Variants in ST13 observed in about 807,000 individuals in gnomAD.
The protein encoded by ST13 is hsc70-interacting protein.
A neutral mutation model predicts 56.7 loss-of-function variants in ST13; 23 were observed. The ratio of observed to expected loss-of-function variants is 0.41; its 90% CI spans 0.29 to 0.57. The LOEUF (loss-of-function observed/expected upper bound fraction) is 0.57, where lower values mean the gene tolerates loss of function less well. ST13 is among the 20% of genes least tolerant of loss of function. The pLI, the probability that ST13 is intolerant of heterozygous loss-of-function variation, is 0.36. For synonymous variants in ST13, 132 were observed against 142.4 expected (o/e 0.93, Z 0.52); for missense variants, 369 against 459.9 (o/e 0.80, Z 1.81).
In ST13 at chr22:40,826,390, T is replaced by C. The variant is rs1318783505; in HGVS notation, c.*148A>G. ...CCACTGTAAAATGCTTCAGCTGCATTTGGGGGAGAGGGGTAGGGATTATCT... is the reference window on the plus strand; with the variant it reads ...CCACTGTAAAATGCTTCAGCTGCATCTGGGGGAGAGGGGTAGGGATTATCT... On this transcript the variant is annotated 3_prime_UTR_variant, in exon 12 of 12. Coordinates refer to ENST00000216218, the MANE Select transcript of ST13 (RefSeq NM_003932.5). The C allele has an allele frequency of 1.6e-6, 1 of 607,076 alleles. No homozygotes were observed. Among genetic ancestry groups the C allele is most frequent in the Non-Finnish European group, 2.7e-6 (1 of 366,568 alleles). 37.6% of individuals were successfully genotyped at this position (607,076 alleles called of 1,614,324 possible).
chr22:40,836,158 A>C lies in ST13; in HGVS notation c.383-271T>G, dbSNP rs556475145. Among the ~76,000 whole-genome samples, 5 of 152,196 alleles carry C rather than the reference A, an allele frequency of 3.3e-5. No individual in the cohort carries two copies. In the East Asian group the frequency reaches 9.6e-4, roughly 29 times the overall value. On this transcript the variant is annotated intron_variant, in intron 5 of 11. Coordinates refer to ENST00000216218, the MANE Select transcript of ST13 (RefSeq NM_003932.5). ...AGTATGACCCATATTGATCTTGTTT[A>C]AGGAAAAAGTAGACGGGCACGGTGG...
At position 40,830,825 on chromosome 22, in the gene ST13, C is replaced by G. The variant is rs770849083; in HGVS notation, c.798+15G>C. 3.9e-6 allele frequency: 6 copies of G among 1,554,488 alleles called. No individual in the cohort carries two copies. The Middle Eastern group carries it at 1.1e-3, about 296-fold the overall frequency. ...GCCGTATTTTCCTTTCATGGCTTAG[C>G]TATAGGAAATTTACCCTCTGGGCTC... On this transcript the variant is annotated intron_variant, in intron 9 of 11. Coordinates refer to ENST00000216218, the MANE Select transcript of ST13 (RefSeq NM_003932.5).
intron 5 of ST13, among the ~76,000 whole-genome samples, chr22:40,836,179 G>A (rs990925174): frequency 6.6e-6 from 1 of 152,178 alleles, no homozygotes; most frequent in African/African-American, 2.4e-5. Context: ...AGACGGGCAC[G>A]GTGGCTCACG....
At position 40,856,534 on chromosome 22, in the gene ST13, G is replaced by T. The variant is rs576395887; in HGVS notation, c.7C>A (p.Pro3Thr). The T allele has an allele frequency of 6.2e-7, 1 of 1,612,178 alleles. No individual in the cohort carries two copies. Among genetic ancestry groups the T allele is most frequent in the Non-Finnish European group, 8.5e-7 (1 of 1,179,644 alleles). Residue 3 changes from proline to threonine, a missense_variant, in exon 1 of 12, where the codon CCC becomes ACC. Physicochemically the swap from Pro to Thr is conservative, Grantham distance 38. Coordinates refer to ENST00000216218, the MANE Select transcript of ST13 (RefSeq NM_003932.5). ...GCCCGAAGCTCGTTCACTTTGCGGGGGTCCATGGTAGGGAGGTGGTGGGCG... is the reference window on the plus strand; with the variant it reads ...GCCCGAAGCTCGTTCACTTTGCGGGTGTCCATGGTAGGGAGGTGGTGGGCG... MD[P>T]RKVNELRAFV...
intron 5 of ST13, among the ~76,000 whole-genome samples, chr22:40,839,255 A>G (rs1199101739): frequency 2.6e-5 from 4 of 152,228 alleles, no homozygotes; most frequent in Non-Finnish European, 5.9e-5. Flanking sequence ...TCGGAACATC[A>G]ATACTGAACT....
intron 3 of ST13, among the ~76,000 whole-genome samples, chr22:40,846,394 T>C (rs1373736616): frequency 6.6e-6 from 1 of 152,212 alleles, no homozygotes; most frequent in Non-Finnish European, 1.5e-5. Flanking sequence ...GTATACAGTA[T>C]TATAGTCATG....
chr22:40,828,537 C>T (rs919584982), intron 10 of ST13, among the ~76,000 whole-genome samples: 5 of 151,894 alleles, frequency 3.3e-5, no homozygotes, highest in Admixed American at 6.6e-5. Context: ...GGCGTGAACC[C>T]GGCAGGCGGA....
Position 40,856,578 on chromosome 22 carries a change from C to T in ST13, c.-38G>A. ...GTGGGCGAAACTGGGGGGGCTACGG[C>T]CCGGTTCCAGGCCCAGGCGCTGGCT... On this transcript the variant is annotated 5_prime_UTR_variant, in exon 1 of 12. Coordinates refer to ENST00000216218, the MANE Select transcript of ST13 (RefSeq NM_003932.5). 11 of 1,571,284 alleles carry T rather than the reference C, an allele frequency of 7.0e-6. No homozygotes were observed. The highest frequency in any genetic ancestry group is 9.6e-6 in the Non-Finnish European group (11 of 1,143,870).
At chr22:40,844,182 C>T (rs1188153196) in intron 4 of ST13, among the ~76,000 whole-genome samples, 1 of 152,094 alleles carries the variant, frequency 6.6e-6, no homozygotes, top group South Asian at 2.1e-4. Context: ...CCTGTCTGGC[C>T]AGGAAAATGC....
At position 40,832,541 on chromosome 22, in the gene ST13, G is replaced by T; in HGVS notation, c.681+28C>A. ...TACAGCGATGGAGTATTTAACTAATGACTTTCCCTTTCTCTACTTTGACAT... is the reference window on the plus strand; with the variant it reads ...TACAGCGATGGAGTATTTAACTAATTACTTTCCCTTTCTCTACTTTGACAT... On this transcript the variant is annotated intron_variant, in intron 8 of 11. Coordinates refer to ENST00000216218, the MANE Select transcript of ST13 (RefSeq NM_003932.5). The T allele has an allele frequency of 1.9e-6, 3 of 1,538,902 alleles. No homozygotes were observed. The South Asian group carries it at 3.4e-5, about 17-fold the overall frequency.
Position 40,824,704 on chromosome 22 carries a change from G to A in ST13, c.*1834C>T, listed in dbSNP as rs1345382423. 3 of 152,178 alleles carry A rather than the reference G, an allele frequency of 2.0e-5. No individual in the cohort carries two copies. The highest frequency in any genetic ancestry group is 4.4e-5 in the Non-Finnish European group (3 of 68,034). The allele number at this position is 152,178 out of a possible 1,614,324, so 9.4% of individuals were successfully genotyped here. A position where few individuals can be genotyped will look rare whatever the true frequency, so the allele number is the denominator to read the frequency against. ...GGAATCCAGAAGAAACTGTTCTTGA[G>A]TTAAGCCAAGTACACACTGGCAATT... On this transcript the variant is annotated 3_prime_UTR_variant, in exon 12 of 12. Transcript: ENST00000216218.
intron 10 of ST13, among the ~76,000 whole-genome samples, chr22:40,828,832 T>A (rs940666390): frequency 2.6e-5 from 4 of 152,148 alleles, no homozygotes; most frequent in Non-Finnish European, 1.5e-5. Context: ...TGCCCCTACT[T>A]ATCCCAAAGC....
intron 5 of ST13, among the ~76,000 whole-genome samples, chr22:40,837,768 A>G (rs1478509987): frequency 6.6e-6 from 1 of 152,108 alleles, no homozygotes; most frequent in Non-Finnish European, 1.5e-5. Flanking sequence ...CTCCCATCTC[A>G]GCCTCTCAAG....
In ST13 at chr22:40,826,523, T is replaced by A. The variant is rs139004215; in HGVS notation, c.*15A>T. ...TGCTTTTCCTTCAGCAAGGGCTTTA[T>A]TTATCAGAAGGACATTACGCTTGAC... On this transcript the variant is annotated 3_prime_UTR_variant, in exon 12 of 12. Coordinates refer to ENST00000216218, the MANE Select transcript of ST13 (RefSeq NM_003932.5). 6.3e-7 allele frequency: 1 copy of A among 1,596,974 alleles called. No individual in the cohort carries two copies. Among genetic ancestry groups the A allele is most frequent in the Non-Finnish European group, 8.5e-7 (1 of 1,179,474 alleles).
rs527867220 is a variant in ST13 at position 40,831,365 on chromosome 22, C to T, written c.682-409G>A. The stretch of plus-strand genomic sequence containing the variant: ...GAAGGCAGAGACTGGGAACTCATAC[C>T]CCAAGTATATGCCACAGTATATTTA... On this transcript the variant is annotated intron_variant, in intron 8 of 11. Transcript: ENST00000216218. Among the ~76,000 whole-genome samples the T allele has an allele frequency of 6.7e-4, 102 of 152,106 alleles. No individual in the cohort carries two copies. In the Middle Eastern group the frequency reaches 0.014, roughly 20 times the overall value.
chr22:40,855,946 C>A (rs1403539352), intron 1 of ST13, among the ~76,000 whole-genome samples: 2 of 151,954 alleles, frequency 1.3e-5, no homozygotes, highest in East Asian at 3.8e-4. Flanking sequence ...AAGGTAAAAA[C>A]AATCATTTTT....
intron 2 of ST13, among the ~76,000 whole-genome samples, chr22:40,848,709 C>T (rs1171606456): frequency 1.3e-5 from 2 of 152,142 alleles, no homozygotes; most frequent in African/African-American, 4.8e-5. Context: ...TGCCACTGCA[C>T]TCCAGCCTGG....
At chr22:40,852,182 A>C (rs938826164) in intron 1 of ST13, among the ~76,000 whole-genome samples, 1 of 152,230 alleles carries the variant, frequency 6.6e-6, no homozygotes, top group African/African-American at 2.4e-5. Context: ...TTACACTTTT[A>C]TCAGCAATGT....
At chr22:40,850,988 T>C (rs1485104739) in intron 1 of ST13, 108 bp from the exon 2 acceptor site, 2 of 733,278 alleles carry the variant, frequency 2.7e-6, no homozygotes, top group South Asian at 4.1e-5. Flanking sequence ...GACTACCTTT[T>C]CAAAATTTAA....
Sources: allele counts gnomAD v4.1 joint callset (sites outside exome capture counted in the v4.1 genomes callset), GRCh38; gene constraint gnomAD v4.1.1; transcripts MANE v1.5; gene names NCBI Gene and HGNC (gene_info 2026-07-23, HGNC 2026-07-21).